Variants in APOB observed in about 807,000 individuals in gnomAD.
APOB encodes the protein apolipoprotein B-100.
APOB carries 153 observed loss-of-function variants against 314.1 expected under a neutral mutation model. That is an observed-to-expected ratio of 0.49 (90% CI 0.43 to 0.56). The LOEUF is 0.56. APOB is among the 20% of genes least tolerant of loss of function. The pLI, the probability that APOB is intolerant of heterozygous loss-of-function variation, is 0.00. For missense variants in APOB, 5,430 were observed against 5,350.7 expected, an observed-to-expected ratio of 1.01 and a Z score of -0.46; for synonymous variants, 2,087 against 2,036.4, an observed-to-expected ratio of 1.02 and a Z score of -0.67.
intron 12 of APOB, 142 bp downstream of exon 12, chr2:21,029,497 A>AAGGAAGGAAAGAAGAAAGGGAGGGAGGG (rs1663824097): frequency 4.6e-6 from 1 of 218,200 alleles, no homozygotes; most frequent in South Asian, 1.1e-4. Context: ...GGGAGGGAGG[A>AAGGAAGGAAAGAAGAAAGGGAGGGAGGG]AGGAAGGAAG....
At position 21,038,248 on chromosome 2, in the gene APOB, T is replaced by C. The variant is rs1006714998; in HGVS notation, c.384-137A>G. Reference sequence around the variant, plus strand: ...TTCTGACATCATTTATTTGTAAATATAGAATATAGCTACACATAGACATAC... The same window carrying C: ...TTCTGACATCATTTATTTGTAAATACAGAATATAGCTACACATAGACATAC... On this transcript the variant is annotated intron_variant, in intron 4 of 28. Transcript: ENST00000233242. 5 of 927,710 alleles carry C rather than the reference T, an allele frequency of 5.4e-6. No homozygotes were observed. The African/African-American group carries it at 8.2e-5, about 15-fold the overall frequency. 57.5% of individuals were successfully genotyped at this position (927,710 alleles called of 1,614,324 possible).
chr2:21,004,615 G>A lies in APOB; in HGVS notation c.11849C>T (p.Ala3950Val). The change falls in exon 27 of 29, where the codon GCA becomes GTA. Residue 3950 changes from alanine (A) to valine (V), a missense_variant. Physicochemically the swap from Ala to Val is moderately conservative, Grantham distance 64. This residue lies in a region of APOB where 3,281 missense variants were observed against 3,171.0 expected (regional missense o/e 1.03). Transcript: ENST00000233242. ...ATATTCTGCACTGAAGTCACGGTGTGCAAATGTTCCTTTAGTCTTAGAGGC... is the reference window on the plus strand; with the variant it reads ...ATATTCTGCACTGAAGTCACGGTGTACAAATGTTCCTTTAGTCTTAGAGGC... Reference protein sequence around the residue: ...TLASKTKGTFAHRDFSAEYEE... With the variant: ...TLASKTKGTFVHRDFSAEYEE... 1 of 1,613,940 alleles carries A rather than the reference G, an allele frequency of 6.2e-7. No individual in the cohort carries two copies. Among genetic ancestry groups the A allele is most frequent in the Non-Finnish European group, 8.5e-7 (1 of 1,179,856 alleles).
Position 21,007,773 on chromosome 2 carries a change from G to A in APOB, c.9095C>T (p.Thr3032Ile), listed in dbSNP as rs754332101. The change falls in exon 26 of 29, where the codon ACT (threonine) becomes ATT (isoleucine). Residue 3032 changes from threonine (T) to isoleucine (I), a missense_variant. Coordinates refer to ENST00000233242, the MANE Select transcript of APOB (RefSeq NM_000384.3). ...DAHLNGKVIG[T>I]LKNSLFFSAQ... ...TGAAAAGAAAAGAGAATTTTTCAAA[G>A]TTCCAATAACCTTTCCATTTAAATG... is the stretch of plus-strand genomic sequence containing the variant. 6.2e-7 allele frequency: 1 copy of A among 1,614,022 alleles called. No individual in the cohort carries two copies. The highest frequency in any genetic ancestry group is 1.7e-5 in the Admixed American group (1 of 59,998).
chr2:21,009,677 AAT>A lies in APOB; in HGVS notation c.7189_7190del (p.Ile2397Ter). The A allele has an allele frequency of 6.2e-7, 1 of 1,613,364 alleles. No individual in the cohort carries two copies. The highest frequency in any genetic ancestry group is 1.1e-5 in the South Asian group (1 of 91,016). Reference protein sequence around the residue: ...KDYFEKLVGFIDDAVKKLNEL... With the variant: ...KDYFEKLVGFXDDAVKKLNEL... The stretch of plus-strand genomic sequence containing the variant: ...CATTAAGCTTCTTGACAGCATCATC[AAT>A]AAATCCAACCAATTTCTCAAAGTAA... On this transcript the variant is annotated frameshift_variant, in exon 26 of 29. Transcript: ENST00000233242. LOFTEE classifies it high-confidence loss of function.
intron 3 of APOB, among the ~76,000 whole-genome samples, chr2:21,042,108 T>C (rs903998844): frequency 1.3e-5 from 2 of 152,222 alleles, no homozygotes; most frequent in African/African-American, 4.8e-5. Context: ...TGGATTCCTA[T>C]TGCATCTGGG....
At chr2:21,023,483 A>G (rs770277998) in intron 17 of APOB, 42 bp downstream of exon 17, 6 of 1,609,168 alleles carry the variant, frequency 3.7e-6, no homozygotes, top group Non-Finnish European at 5.1e-6. Flanking sequence ...ACCCTGGAAG[A>G]AAGTAATAAC....
intron 17 of APOB, 84 bp downstream of exon 17, chr2:21,023,441 C>T (rs191363976): frequency 1.3e-4 from 193 of 1,508,694 alleles, no homozygotes; most frequent in Admixed American, 4.0e-4. Context: ...GAAGTGGAAA[C>T]ACATTTTTAA....
intron 16 of APOB, chr2:21,024,173 T>C (rs1393978972): frequency 6.5e-6 from 1 of 152,750 alleles, no homozygotes; most frequent in African/African-American, 2.4e-5. Flanking sequence ...AGACCTGTTT[T>C]CTTAAAGTCA....
rs182531066 is a variant in APOB, at chr2:21,013,131, G to A, written c.4216+29C>T. 4,861 of 1,612,456 alleles carry A rather than the reference G, an allele frequency of 3.0e-3. 17 individuals are homozygous for A. The highest frequency in any genetic ancestry group is 3.5e-3 in the Non-Finnish European group (4,144 of 1,179,846). ...CTTAGAGCCTGCCATGAACTAGCCC[G>A]GTGCACCCTTTACCTGAGCATAGCT... is the stretch of plus-strand genomic sequence containing the variant. On this transcript the variant is annotated intron_variant, in intron 25 of 28. Coordinates refer to ENST00000233242, the MANE Select transcript of APOB (RefSeq NM_000384.3).
chr2:21,006,421 A>G lies in APOB; in HGVS notation c.10447T>C (p.Leu3483=). ...GAAAAGTAAGAGGTGAGGCTTTCCA[A>G]GCTAAGCTTGTGGTCAACTGCTCCT... The part of the protein sequence containing the change: ...AKGAVDHKLS[L]ESLTSYFSIE... Residue 3483 remains leucine (L), a synonymous_variant, in exon 26 of 29, where the codon TTG becomes CTG. Coordinates refer to ENST00000233242, the MANE Select transcript of APOB (RefSeq NM_000384.3). 6.2e-7 allele frequency: 1 copy of G among 1,614,110 alleles called. No individual in the cohort carries two copies. The highest frequency in any genetic ancestry group is 8.5e-7 in the Non-Finnish European group (1 of 1,179,992).
chr2:21,042,455 T>A lies in APOB; in HGVS notation c.143A>T (p.His48Leu), dbSNP rs1415387096. The A allele has an allele frequency of 1.2e-6, 2 of 1,614,066 alleles. No individual in the cohort carries two copies. The highest frequency in any genetic ancestry group is 8.5e-7 in the Non-Finnish European group (1 of 1,180,020). ...VCPKDATRFK[H>L]LRKYTYNYEA... is the part of the protein sequence containing the mutation. ...ATAGTTGTATGTGTACTTCCGGAGG[T>A]GCTTGAATCGGGTCGCATCTTCTAA... Residue 48 changes from histidine (H) to leucine (L), a missense_variant, in exon 3 of 29, where the codon CAC becomes CTC. Physicochemically the swap from His to Leu is moderately conservative, Grantham distance 99 (BLOSUM62 -3). Coordinates refer to ENST00000233242, the MANE Select transcript of APOB (RefSeq NM_000384.3).
chr2:21,035,327 C>T (rs1245106555), intron 7 of APOB, among the ~76,000 whole-genome samples: 3 of 152,176 alleles, frequency 2.0e-5, no homozygotes, highest in Non-Finnish European at 4.4e-5. Context: ...CTGCAGTGAT[C>T]CTCAGGTTTT....
intron 20 of APOB, among the ~76,000 whole-genome samples, chr2:21,016,852 T>G (rs1245925597): frequency 6.6e-6 from 1 of 151,810 alleles, no homozygotes; most frequent in African/African-American, 2.4e-5. Flanking sequence ...GGCGCGTTGG[T>G]GGGTGCCTGT....
In APOB at chr2:21,002,622, G is replaced by C; in HGVS notation, c.12800C>G (p.Ser4267Trp). Reference sequence around the variant, plus strand: ...ATCTTTCAACAGTTCCCTATACATCGAGATTACATCTATTAGTTTATGTTT... The same window carrying C: ...ATCTTTCAACAGTTCCCTATACATCCAGATTACATCTATTAGTTTATGTTT... ...LRKHKLIDVI[S>W]MYRELLKDLS... Residue 4267 changes from serine to tryptophan, a missense_variant, in exon 29 of 29, where the codon TCG becomes TGG. Coordinates refer to ENST00000233242, the MANE Select transcript of APOB (RefSeq NM_000384.3). 6.2e-7 allele frequency: 1 copy of C among 1,613,920 alleles called. No homozygotes were observed. The highest frequency in any genetic ancestry group is 8.5e-7 in the Non-Finnish European group (1 of 1,179,936).
rs1662979044 is a variant in APOB at position 21,001,656 on chromosome 2, C to T, written c.*74G>A. On this transcript the variant is annotated 3_prime_UTR_variant, in exon 29 of 29. Transcript: ENST00000233242. ...CACTGTATGGTTTTATCAATATAGG[C>T]AGTTTGAATTTTTTCTGTGCTATGT... The T allele has an allele frequency of 1.4e-6, 2 of 1,457,074 alleles. No homozygotes were observed. Among genetic ancestry groups the T allele is most frequent in the South Asian group, 2.3e-5 (2 of 86,366 alleles). 90.3% of individuals were successfully genotyped at this position (1,457,074 alleles called of 1,614,324 possible).
rs373369264 is a variant in APOB at position 21,007,525 on chromosome 2, C to T, written c.9343G>A (p.Val3115Ile). 1.3e-5 allele frequency: 21 copies of T among 1,613,980 alleles called. No individual in the cohort carries two copies. The African/African-American group carries it at 2.4e-4, about 18-fold the overall frequency. ...GNNENIMEAH[V>I]GINGEANLDF... ...AGATTTGCTTCTCCATTTATTCCTA[C>T]ATGGGCCTCCATAATGTTCTCGTTG... Residue 3115 changes from valine (V) to isoleucine (I), a missense_variant, in exon 26 of 29, where the codon GTA becomes ATA. Coordinates refer to ENST00000233242, the MANE Select transcript of APOB (RefSeq NM_000384.3).
intron 5 of APOB, among the ~76,000 whole-genome samples, 161 bp from the exon 6 acceptor site, chr2:21,037,416 C>G (rs1572801770): frequency 6.6e-6 from 1 of 152,154 alleles, no homozygotes; most frequent in East Asian, 1.9e-4. Flanking sequence ...TTGCTAGTGC[C>G]TGGCCAGCCC....
rs776179394 is a variant in APOB, at chr2:21,011,119, G to C, written c.5749C>G (p.Leu1917Val). 3.1e-6 allele frequency: 5 copies of C among 1,614,086 alleles called. No individual in the cohort carries two copies. Among genetic ancestry groups the C allele is most frequent in the Middle Eastern group, 1.6e-4 (1 of 6,084 alleles). Residue 1917 changes from leucine to valine, a missense_variant, in exon 26 of 29, where the codon CTC becomes GTC. Leu to Val is a conservative substitution (Grantham distance 32). Around this residue, in one of 3 missense-constraint regions of APOB, gnomAD observed 3,281 missense variants for 3,171.0 expected, o/e 1.03. Transcript: ENST00000233242. The stretch of plus-strand genomic sequence containing the variant: ...CCAGTATGTTCTCCCCAGAGAGCGA[G>C]TTTCCCATTGCCATTTGTATGTGCA... ...IDAHTNGNGK[L>V]ALWGEHTGQL...
In APOB at chr2:21,014,458, A is replaced by G. The variant is rs371444771; in HGVS notation, c.3832T>C (p.Phe1278Leu). ...LPDFHIPENLFLKSDGRVKYT... is the reference protein window; with the variant it reads ...LPDFHIPENLLLKSDGRVKYT... ...GCTTTCTTCTTTTACCTTTTTAAGAAGAGGTTTTCTGGGATGTGGAAGTCT... is the reference window on the plus strand; with the variant it reads ...GCTTTCTTCTTTTACCTTTTTAAGAGGAGGTTTTCTGGGATGTGGAAGTCT... The change falls in exon 24 of 29, where the codon TTC (phenylalanine) becomes CTC (leucine). Residue 1278 changes from phenylalanine (F) to leucine (L), a missense_variant. This residue lies in a region of APOB where 2,085 missense variants were observed against 2,079.7 expected (regional missense o/e 1.00). Transcript: ENST00000233242. 31 of 1,614,006 alleles carry G rather than the reference A, an allele frequency of 1.9e-5. No homozygotes were observed. Among genetic ancestry groups the G allele is most frequent in the Admixed American group, 1.0e-4 (6 of 60,002 alleles).
Sources: allele counts gnomAD v4.1 joint callset (sites outside exome capture counted in the v4.1 genomes callset), GRCh38; gene constraint gnomAD v4.1.1; regional missense constraint gnomAD v4.1.1; transcripts MANE v1.5; gene names NCBI Gene and HGNC (gene_info 2026-07-23, HGNC 2026-07-21).